The following TTLL5 variants were observed in gnomAD, a reference collection of about 807,000 sequenced individuals.
The protein encoded by TTLL5 is tubulin tyrosine ligase like 5, also known as tubulin polyglutamylase TTLL5.
In TTLL5, 132 loss-of-function variants were observed where a neutral mutation model predicts 168.4. That is an observed-to-expected ratio of 0.78 (90% CI 0.68 to 0.91). The LOEUF is 0.91. Among genes scored for constraint, TTLL5 ranks in the 40% least tolerant of loss-of-function variants. The pLI is 0.00. For missense variants in TTLL5, 1,545 were observed against 1,581.5 expected (o/e 0.98, Z 0.39); for synonymous variants, 546 against 558.6 (o/e 0.98, Z 0.32).
At chr14:75,681,016 A>G (rs1884570241) in intron 3 of TTLL5, among the ~76,000 whole-genome samples, 2 of 152,150 alleles carry the variant, frequency 1.3e-5, no homozygotes, top group African/African-American at 4.8e-5. Context: ...GAGTGTTTTA[A>G]AATAGATTTT....
intron 28 of TTLL5, among the ~76,000 whole-genome samples, chr14:75,857,354 T>C (rs564708244): frequency 1.3e-5 from 2 of 151,058 alleles, no homozygotes; most frequent in East Asian, 3.9e-4. Context: ...TGATATATTA[T>C]CCTAGTGTAT....
chr14:75,949,481 AATAT>A (rs997866239), intron 31 of TTLL5, among the ~76,000 whole-genome samples: 3 of 147,472 alleles, frequency 2.0e-5, no homozygotes, highest in South Asian at 4.2e-4. Flanking sequence ...TTATATAAAG[AATAT>A]ATATATATAA....
intron 31 of TTLL5, among the ~76,000 whole-genome samples, chr14:75,930,111 G>A (rs2034225798): frequency 6.6e-6 from 1 of 152,114 alleles, no homozygotes; most frequent in Admixed American, 6.5e-5. Context: ...CAGATGTTTG[G>A]TGTTCTCCTG....
intron 9 of TTLL5, among the ~76,000 whole-genome samples, chr14:75,708,919 G>A (rs914211396): frequency 6.6e-6 from 1 of 152,102 alleles, no homozygotes. Context: ...ATTGGAAGAA[G>A]AATTGTCTTG....
chr14:75,705,140 A>G (rs1048977417), intron 7 of TTLL5, among the ~76,000 whole-genome samples: 1 of 152,240 alleles, frequency 6.6e-6, no homozygotes, highest in African/African-American at 2.4e-5. Flanking sequence ...AAGCTGATCA[A>G]GAAATGTAAG....
chr14:75,887,785 T>C (rs2032193053), intron 30 of TTLL5, among the ~76,000 whole-genome samples: 1 of 152,186 alleles, frequency 6.6e-6, no homozygotes, highest in South Asian at 2.1e-4. Flanking sequence ...GAAAATACAA[T>C]GTATGCACTT....
At chr14:75,857,113 T>A (rs573162172) in intron 28 of TTLL5, among the ~76,000 whole-genome samples, 1 of 152,356 alleles carries the variant, frequency 6.6e-6, no homozygotes, top group Non-Finnish European at 1.5e-5. Context: ...ATAATATCTT[T>A]TTTTCTTGTC....
intron 6 of TTLL5, among the ~76,000 whole-genome samples, chr14:75,694,375 C>A (rs575778866): frequency 6.6e-6 from 1 of 152,136 alleles, no homozygotes; most frequent in African/African-American, 2.4e-5. Context: ...CTTACTCTAT[C>A]GCCCAGGCTG....
chr14:75,750,231 G>A (rs548320821), intron 17 of TTLL5, among the ~76,000 whole-genome samples: 2 of 151,870 alleles, frequency 1.3e-5, no homozygotes, highest in East Asian at 3.9e-4. Context: ...GTAAAGACAC[G>A]TTAGGGCATA....
At chr14:75,908,582 C>T (rs555258224) in intron 31 of TTLL5, among the ~76,000 whole-genome samples, 51 of 152,088 alleles carry the variant, frequency 3.4e-4, no homozygotes, top group Non-Finnish European at 6.3e-4. Context: ...CTGAGAAAAA[C>T]GTCAGTTGTC....
At chr14:75,700,047 A>G (rs943843837) in intron 7 of TTLL5, among the ~76,000 whole-genome samples, 5 of 152,250 alleles carry the variant, frequency 3.3e-5, no homozygotes, top group Non-Finnish European at 5.9e-5. Flanking sequence ...AAACAATAAT[A>G]GAATCTCTTC....
At chr14:75,732,227 A>T (rs1420989350) in intron 12 of TTLL5, 111 bp from the exon 13 acceptor site, 2 of 777,606 alleles carry the variant, frequency 2.6e-6, no homozygotes, top group South Asian at 2.0e-5. Flanking sequence ...CTTGCTACTT[A>T]CACTCAGTGA....
intron 27 of TTLL5, among the ~76,000 whole-genome samples, chr14:75,809,463 A>G (rs1893859373): frequency 6.6e-6 from 1 of 152,122 alleles, no homozygotes. Context: ...AGTGTTACAT[A>G]TTTTGGGGGG....
At chr14:75,839,396 G>A (rs374982059) in intron 28 of TTLL5, among the ~76,000 whole-genome samples, 4 of 152,132 alleles carry the variant, frequency 2.6e-5, no homozygotes, top group African/African-American at 9.7e-5. Context: ...TTTGATAGTA[G>A]CCATCTGTAT....
At chr14:75,887,388 T>C (rs990335857) in intron 30 of TTLL5, 3 of 931,404 alleles carry the variant, frequency 3.2e-6, no homozygotes, top group Admixed American at 1.2e-4. Flanking sequence ...CCAAAAGTTC[T>C]TGAGGTGAGC....
chr14:75,874,928 G>T (rs1355981953), intron 29 of TTLL5, among the ~76,000 whole-genome samples: 2 of 32,094 alleles, frequency 6.2e-5, no homozygotes, highest in African/African-American at 1.5e-4. Context: ...AAAGACACTG[G>T]GGGCCTTTTT....
intron 4 of TTLL5, 101 bp downstream of exon 4, chr14:75,681,728 A>G (rs1884625916): frequency 1.1e-6 from 1 of 949,554 alleles, no homozygotes; most frequent in Non-Finnish European, 1.7e-6. Context: ...CAGGAAGTAC[A>G]TGGGACCAAT....
At chr14:75,705,844 C>T (rs1219163491) in intron 7 of TTLL5, among the ~76,000 whole-genome samples, 1 of 152,038 alleles carries the variant, frequency 6.6e-6, no homozygotes, top group African/African-American at 2.4e-5. Flanking sequence ...TTTATCTAAT[C>T]ACATGTGAAG....
intron 27 of TTLL5, among the ~76,000 whole-genome samples, chr14:75,813,540 C>T (rs982691779): frequency 2.6e-5 from 4 of 152,004 alleles, no homozygotes; most frequent in South Asian, 2.1e-4. Flanking sequence ...TGGGCTCCAA[C>T]GATCCACATG....
Sources: gnomAD v4.1 joint callset for allele counts (sites outside exome capture counted in the v4.1 genomes callset) on GRCh38, gnomAD v4.1.1 for gene constraint, MANE v1.5 for transcripts, NCBI Gene and HGNC (gene_info 2026-07-23, HGNC 2026-07-21) for gene names.